The following SEM1 variants were observed in gnomAD, a reference collection of about 807,000 sequenced individuals.
SEM1 encodes 26S proteasome complex subunit SEM1.
SEM1 carries 3 observed loss-of-function variants against 12.7 expected under a neutral mutation model. That is an observed-to-expected ratio of 0.24 (90% CI 0.11 to 0.61). SEM1 has a LOEUF of 0.61. SEM1 is among the 20% of genes least tolerant of loss of function. SEM1 has a pLI of 0.88. For missense variants in SEM1, 59 were observed against 81.3 expected (o/e 0.73, Z 1.06); for synonymous variants, 30 against 27.8 (o/e 1.08, Z -0.25).
At chr7:96,706,860 A>T (rs1297544166) in intron 1 of SEM1, among the ~76,000 whole-genome samples, 1 of 152,128 alleles carries the variant, frequency 6.6e-6, no homozygotes, top group African/African-American at 2.4e-5. Flanking sequence ...TCTGTTATAG[A>T]CTGCAGAGAT....
chr7:96,694,668 T>C (rs1790033777), intron 2 of SEM1, 130 bp downstream of exon 2: 2 of 505,972 alleles, frequency 4.0e-6, no homozygotes, highest in South Asian at 4.4e-5. Flanking sequence ...CAATATGTCT[T>C]ACTTTACACA....
intron 2 of SEM1, among the ~76,000 whole-genome samples, chr7:96,599,341 CA>C (rs1807117527): frequency 6.6e-6 from 1 of 151,938 alleles, no homozygotes; most frequent in Non-Finnish European, 1.5e-5. Context: ...TAGTAAAAAC[CA>C]AACCAAAACA....
intron 2 of SEM1, among the ~76,000 whole-genome samples, chr7:96,545,713 A>C (rs1805085401): frequency 6.6e-6 from 1 of 152,068 alleles, no homozygotes; most frequent in Non-Finnish European, 1.5e-5. Context: ...TTCACTATTT[A>C]ATACACATTC....
intron 2 of SEM1, among the ~76,000 whole-genome samples, chr7:96,532,282 C>T (rs1451880080): frequency 6.6e-6 from 1 of 151,672 alleles, no homozygotes; most frequent in Non-Finnish European, 1.5e-5. Flanking sequence ...TTTACATTGC[C>T]AAGGCAATAT....
At position 96,484,090 on chromosome 7, in the gene SEM1, C is replaced by T. The variant is rs1262598425; in HGVS notation, c.258-102G>A. ...TCACAACAACCCTATAGGGTAGATC[C>T]AATCATCCCCATTTTAGAGATGAGA... is the stretch of plus-strand genomic sequence containing the variant. On this transcript the variant is annotated intron_variant, in intron 3 of 3. Coordinates refer to the SEM1 transcript ENST00000356686. 4 of 1,067,474 alleles carry T rather than the reference C, an allele frequency of 3.7e-6. No individual in the cohort carries two copies. In the African/African-American group the frequency reaches 4.8e-5, roughly 13 times the overall value. 66.1% of individuals were successfully genotyped at this position (1,067,474 alleles called of 1,614,324 possible). A position where few individuals can be genotyped will look rare whatever the true frequency, so the allele number is the denominator to read the frequency against.
intron 2 of SEM1, among the ~76,000 whole-genome samples, chr7:96,628,830 G>T (rs998100300): frequency 5.9e-5 from 9 of 152,272 alleles, no homozygotes; most frequent in Admixed American, 5.2e-4. Flanking sequence ...GATAGGTGTG[G>T]TGTTGATGAA....
At position 96,578,176 on chromosome 7, in the gene SEM1, T is replaced by C. The variant is rs146131799; in HGVS notation, c.171-71478A>G. Among the ~76,000 whole-genome samples, 749 of 151,142 alleles carry C rather than the reference T, an allele frequency of 5.0e-3. 9 individuals are homozygous for C. Among genetic ancestry groups the C allele is most frequent in the African/African-American group, 0.018 (715 of 40,720 alleles). On this transcript the variant is annotated intron_variant and NMD_transcript_variant, in intron 2 of 3. Transcript: ENST00000466986. ...TAATCAAATTTCCTGAGGAGGATAATAGAATTGGGGAAAGACACAATTCAA... is the reference window on the plus strand; with the variant it reads ...TAATCAAATTTCCTGAGGAGGATAACAGAATTGGGGAAAGACACAATTCAA...
intron 2 of SEM1, among the ~76,000 whole-genome samples, chr7:96,564,088 G>T (rs909345717): frequency 6.6e-6 from 1 of 152,046 alleles, no homozygotes; most frequent in Non-Finnish European, 1.5e-5. Flanking sequence ...TGTTTGGGCT[G>T]AATGTCTTTT....
upstream of SEM1, among the ~76,000 whole-genome samples, chr7:96,498,132 G>C (rs1478034145): frequency 1.3e-5 from 2 of 152,142 alleles, no homozygotes; most frequent in Non-Finnish European, 2.9e-5. Context: ...TTACAGATGA[G>C]GATGCCAAGG....
At chr7:96,530,328 C>G (rs1804601793) in intron 2 of SEM1, among the ~76,000 whole-genome samples, 1 of 152,050 alleles carries the variant, frequency 6.6e-6, no homozygotes, top group African/African-American at 2.4e-5. Flanking sequence ...CAGCATAAAA[C>G]AGTGCCTGGA....
downstream of SEM1, chr7:96,622,542 T>C: frequency 1.3e-6 from 1 of 753,098 alleles, no homozygotes; most frequent in East Asian, 2.4e-5. Flanking sequence ...AGGGGCTTGG[T>C]ACCTTTGCCT....
intron 2 of SEM1, among the ~76,000 whole-genome samples, chr7:96,544,800 G>A (rs979585250): frequency 7.1e-4 from 108 of 151,804 alleles, no homozygotes; most frequent in Non-Finnish European, 3.7e-4. Flanking sequence ...TCACAAAGAC[G>A]AGAAAATATA....
chr7:96,636,796 A>G (rs944248208), intron 2 of SEM1, among the ~76,000 whole-genome samples: 1 of 151,298 alleles, frequency 6.6e-6, no homozygotes, highest in Admixed American at 6.6e-5. Context: ...TGGAGACACC[A>G]CTCCTCTCTG....
chr7:96,697,908 A>C, intron 1 of SEM1, among the ~76,000 whole-genome samples: 1 of 152,110 alleles, frequency 6.6e-6, no homozygotes, highest in East Asian at 1.9e-4. Context: ...TCATAATGCA[A>C]ACACCCGTAT....
intron 2 of SEM1, among the ~76,000 whole-genome samples, chr7:96,693,760 T>TG (rs1790002060): frequency 9.8e-4 from 137 of 139,642 alleles, no homozygotes; most frequent in African/African-American, 3.6e-3. Flanking sequence ...ACAATTCCAC[T>TG]TGTGTGTGTG....
At chr7:96,483,826 G>A (rs777038962) in exon 4 of SEM1, 1 of 1,536,162 alleles carries the variant, frequency 6.5e-7, no homozygotes, top group Non-Finnish European at 8.7e-7. Flanking sequence ...GGCACCATAT[G>A]ACCAGACTTC....
chr7:96,559,338 A>G (rs1485600731), intron 2 of SEM1, among the ~76,000 whole-genome samples: 1 of 152,188 alleles, frequency 6.6e-6, no homozygotes, highest in African/African-American at 2.4e-5. Context: ...GCTGGAGTGC[A>G]GTGGCACAAT....
At chr7:96,543,110 C>T (rs553554351) in intron 2 of SEM1, among the ~76,000 whole-genome samples, 2 of 151,644 alleles carry the variant, frequency 1.3e-5, no homozygotes, top group South Asian at 4.1e-4. Context: ...TGTACAGTTA[C>T]CTCTCCACAT....
chr7:96,556,560 G>C (rs549853175), intron 2 of SEM1, among the ~76,000 whole-genome samples: 1 of 151,960 alleles, frequency 6.6e-6, no homozygotes, highest in South Asian at 2.1e-4. Flanking sequence ...CGAGAAATCC[G>C]CTGTTAGTCT....
Sources: allele counts gnomAD v4.1 joint callset (sites outside exome capture counted in the v4.1 genomes callset), GRCh38; gene constraint gnomAD v4.1.1; transcripts MANE v1.5; gene names NCBI Gene and HGNC (gene_info 2026-07-23, HGNC 2026-07-21).